Variants in PHF24 observed in about 807,000 individuals in gnomAD.
The protein encoded by PHF24 is Galpha inhibitory interacting protein.
Under a neutral mutation model 42.6 loss-of-function variants are expected in PHF24, and 25 were observed. The observed-to-expected ratio is 0.59, with a 90% CI of 0.43 to 0.82. PHF24 has a LOEUF of 0.82. Among genes scored for constraint, PHF24 ranks in the 40% least tolerant of loss-of-function variants. The pLI is 0.00. For synonymous variants in PHF24, 185 were observed against 204.8 expected (o/e 0.90, Z 0.83); for missense variants, 470 against 538.1 (o/e 0.87, Z 1.25).
the PHF24 span, among the ~76,000 whole-genome samples, chr9:34,741,783 C>T: frequency 6.6e-6 from 1 of 152,212 alleles, no homozygotes; most frequent in Non-Finnish European, 1.5e-5. Context: ...TGTCCCTTTT[C>T]GTTGACTGTC....
At chr9:34,767,586 A>G in the PHF24 span, among the ~76,000 whole-genome samples, 1 of 152,164 alleles carries the variant, frequency 6.6e-6, no homozygotes, top group Non-Finnish European at 1.5e-5. Context: ...GGAGTGACCC[A>G]ATTTTCCAGG....
At chr9:34,730,292 C>G in the PHF24 span, among the ~76,000 whole-genome samples, 1 of 152,166 alleles carries the variant, frequency 6.6e-6, no homozygotes, top group Non-Finnish European at 1.5e-5. Context: ...AGCTTCAGGA[C>G]CCATTACTTC....
At chr9:34,707,446 G>A in the PHF24 span, among the ~76,000 whole-genome samples, 1 of 152,214 alleles carries the variant, frequency 6.6e-6, no homozygotes, top group African/African-American at 2.4e-5. Flanking sequence ...CTCTAGTGCA[G>A]TAGCTTGGAG....
the PHF24 span, among the ~76,000 whole-genome samples, chr9:34,878,709 C>T: frequency 4.6e-5 from 7 of 152,316 alleles, no homozygotes; most frequent in South Asian, 2.1e-4. Context: ...GTAAACAAAG[C>T]GGCTAGAAAG....
chr9:34,765,796 C>T, the PHF24 span, among the ~76,000 whole-genome samples: 8 of 152,224 alleles, frequency 5.3e-5, no homozygotes, highest in Admixed American at 1.3e-4. Flanking sequence ...TTCCTAGCAT[C>T]GATGGTCTTT....
chr9:34,814,305 C>T, the PHF24 span, among the ~76,000 whole-genome samples: 5 of 152,196 alleles, frequency 3.3e-5, no homozygotes, highest in African/African-American at 4.8e-5. Flanking sequence ...CACTAATCAC[C>T]GTTGAGAGAG....
At chr9:34,930,619 G>T in the PHF24 span, among the ~76,000 whole-genome samples, 1 of 152,174 alleles carries the variant, frequency 6.6e-6, no homozygotes, top group Non-Finnish European at 1.5e-5. Context: ...TCTAGCAATG[G>T]TATGACAATT....
chr9:34,749,340 A>G, the PHF24 span, among the ~76,000 whole-genome samples: 1 of 152,182 alleles, frequency 6.6e-6, no homozygotes, highest in Admixed American at 6.5e-5. Context: ...AAAGACATCA[A>G]TATTCAAGTA....
At chr9:34,949,879 A>C in the PHF24 span, among the ~76,000 whole-genome samples, 1 of 152,074 alleles carries the variant, frequency 6.6e-6, no homozygotes, top group African/African-American at 2.4e-5. Flanking sequence ...GGAGAGCATT[A>C]GGACAAATAC....
chr9:34,761,552 G>C, the PHF24 span, among the ~76,000 whole-genome samples: 6 of 152,098 alleles, frequency 3.9e-5, no homozygotes, highest in Admixed American at 2.0e-4. Context: ...TTGGTAAGGG[G>C]AAAAAGATGT....
At chr9:34,846,947 C>G in the PHF24 span, among the ~76,000 whole-genome samples, 1 of 152,138 alleles carries the variant, frequency 6.6e-6, no homozygotes, top group South Asian at 2.1e-4. Context: ...CTGTTCTGTT[C>G]CATTGATCTA....
At chr9:34,808,748 T>A in the PHF24 span, among the ~76,000 whole-genome samples, 2 of 151,928 alleles carry the variant, frequency 1.3e-5, no homozygotes, top group Middle Eastern at 6.8e-3. Flanking sequence ...AAAGCCCTTT[T>A]TAAAAGGCAT....
chr9:34,960,936 G>A (rs1054609514), intron 1 of PHF24, among the ~76,000 whole-genome samples: 1 of 152,180 alleles, frequency 6.6e-6, no homozygotes, highest in African/African-American at 2.4e-5. Context: ...GGCTCACCCA[G>A]TTTCATTTGA....
chr9:34,751,585 C>A, the PHF24 span, among the ~76,000 whole-genome samples: 1 of 152,056 alleles, frequency 6.6e-6, no homozygotes, highest in Admixed American at 6.6e-5. Context: ...AGAGATAGAT[C>A]CCAGTATAAT....
At chr9:34,909,415 G>C in the PHF24 span, among the ~76,000 whole-genome samples, 2 of 151,920 alleles carry the variant, frequency 1.3e-5, no homozygotes, top group Admixed American at 6.6e-5. Context: ...GACATTTCAC[G>C]TGTTCTGCCT....
At chr9:34,978,119 C>A (rs772697369) in exon 8 of PHF24, 7 of 1,606,784 alleles carry the variant, frequency 4.4e-6, no homozygotes, top group Non-Finnish European at 6.0e-6. Flanking sequence ...TAGCATGGAG[C>A]AGAGAAGCTC....
the PHF24 span, chr9:34,724,502 G>A: frequency 6.4e-7 from 1 of 1,551,550 alleles, no homozygotes; most frequent in East Asian, 2.4e-5. Flanking sequence ...TTGTTCCCTG[G>A]ACTTCCTTGC....
chr9:34,857,971 G>GTTTTTTTTT, the PHF24 span, among the ~76,000 whole-genome samples: 1 of 109,806 alleles, frequency 9.1e-6, no homozygotes. Context: ...TTGTTTCTCT[G>GTTTTTTTTT]GTTTTTTTTT....
At chr9:34,712,406 C>T in the PHF24 span, among the ~76,000 whole-genome samples, 1 of 151,728 alleles carries the variant, frequency 6.6e-6, no homozygotes, top group Non-Finnish European at 1.5e-5. Flanking sequence ...CTCTCTTCTC[C>T]TCCTGAGACT....
Sources: allele counts gnomAD v4.1 joint callset (sites outside exome capture counted in the v4.1 genomes callset), GRCh38; gene constraint gnomAD v4.1.1; transcripts MANE v1.5; gene names NCBI Gene and HGNC (gene_info 2026-07-23, HGNC 2026-07-21).